The following CARNMT1 variants were observed in gnomAD, a reference collection of about 807,000 sequenced individuals.
CARNMT1 encodes the protein protein-L-histidine N-pros-methyltransferase CARNMT1.
Under a neutral mutation model 49.6 loss-of-function variants are expected in CARNMT1, and 28 were observed. The observed-to-expected ratio is 0.56, with a 90% CI of 0.42 to 0.77. The LOEUF (loss-of-function observed/expected upper bound fraction) is 0.77, where lower values mean the gene tolerates loss of function less well. CARNMT1 is among the 30% of genes least tolerant of loss of function. The pLI, the probability that CARNMT1 is intolerant of heterozygous loss-of-function variation, is 0.00. For missense variants in CARNMT1, 421 were observed against 512.6 expected (o/e 0.82, Z 1.73); for synonymous variants, 178 against 175.0 (o/e 1.02, Z -0.13).
chr9:74,983,878 A>G lies in CARNMT1; in HGVS notation c.1129-10T>C. ...CAGATTCTTTTTCCACCTGCAATGC[A>G]AACAATAATCATAATACTATGACAG... is the stretch of plus-strand genomic sequence containing the variant. On this transcript the variant is annotated splice_polypyrimidine_tract_variant and intron_variant, in intron 7 of 7. Transcript: ENST00000376834. 6.3e-7 allele frequency: 1 copy of G among 1,576,630 alleles called. No individual in the cohort carries two copies. The highest frequency in any genetic ancestry group is 8.6e-7 in the Non-Finnish European group (1 of 1,156,486).
Position 74,982,265 on chromosome 9 carries a change from T to C in CARNMT1, c.*1502A>G, listed in dbSNP as rs1474562591. ...CATGACATTTATGCGACCAGCACATTACTGAGATTAAATCCATCTAATTTA... is the reference window on the plus strand; with the variant it reads ...CATGACATTTATGCGACCAGCACATCACTGAGATTAAATCCATCTAATTTA... On this transcript the variant is annotated 3_prime_UTR_variant, in exon 8 of 8. Coordinates refer to ENST00000376834, the MANE Select transcript of CARNMT1 (RefSeq NM_152420.3). The C allele has an allele frequency of 2.0e-5, 3 of 152,200 alleles. No homozygotes were observed. In the East Asian group the frequency reaches 5.8e-4, roughly 29 times the overall value. 9.4% of individuals were successfully genotyped at this position (152,200 alleles called of 1,614,324 possible).
At chr9:74,985,241 C>T (rs1358284670) in intron 6 of CARNMT1, among the ~76,000 whole-genome samples, 1 of 152,234 alleles carries the variant, frequency 6.6e-6, no homozygotes, top group Non-Finnish European at 1.5e-5. Context: ...CTGTGATTCA[C>T]ACCATGGGCC....
Position 74,981,784 on chromosome 9 carries a change from T to A in CARNMT1, c.*1983A>T, listed in dbSNP as rs1832698771. The A allele has an allele frequency of 6.6e-6, 1 of 152,112 alleles. No individual in the cohort carries two copies. Among genetic ancestry groups the A allele is most frequent in the Non-Finnish European group, 1.5e-5 (1 of 67,990 alleles). The allele number at this position is 152,112 out of a possible 1,614,324, so 9.4% of individuals were successfully genotyped here. On this transcript the variant is annotated 3_prime_UTR_variant, in exon 8 of 8. Transcript: ENST00000376834. ...TTGATACAAGTTGTAAAAAAGTGAATACTAGTCAGTGAATAAAAAGCATGT... is the reference window on the plus strand; with the variant it reads ...TTGATACAAGTTGTAAAAAAGTGAAAACTAGTCAGTGAATAAAAAGCATGT...
intron 3 of CARNMT1, among the ~76,000 whole-genome samples, chr9:75,007,070 T>TA (rs1224809653): frequency 6.6e-6 from 1 of 152,234 alleles, no homozygotes; most frequent in Non-Finnish European, 1.5e-5. Flanking sequence ...ACATTTCTAT[T>TA]AAAAGCCTTA....
intron 3 of CARNMT1, among the ~76,000 whole-genome samples, chr9:75,012,741 G>A (rs1034716416): frequency 7.3e-5 from 11 of 151,226 alleles, no homozygotes; most frequent in African/African-American, 1.9e-4. Flanking sequence ...TATCTACCCC[G>A]TCTCTACTAA....
intron 6 of CARNMT1, among the ~76,000 whole-genome samples, chr9:74,986,350 T>C (rs1176827): frequency 0.045 from 6,780 of 152,244 alleles, 218 homozygotes; most frequent in South Asian, 0.07. Flanking sequence ...CTAGAAAAAA[T>C]GACCATGAAT....
intron 3 of CARNMT1, among the ~76,000 whole-genome samples, chr9:75,012,748 C>T (rs1250137036): frequency 6.6e-6 from 1 of 150,602 alleles, no homozygotes; most frequent in Non-Finnish European, 1.5e-5. Flanking sequence ...CCCGTCTCTA[C>T]TAAAAATATA....
chr9:74,990,624 G>A (rs960665441), intron 6 of CARNMT1, among the ~76,000 whole-genome samples: 9 of 152,090 alleles, frequency 5.9e-5, no homozygotes, highest in Admixed American at 4.6e-4. Flanking sequence ...ATACCACTTC[G>A]GTGGTAGGAA....
intron 6 of CARNMT1, among the ~76,000 whole-genome samples, chr9:74,987,970 G>A (rs1832894271): frequency 6.6e-6 from 1 of 152,128 alleles, no homozygotes; most frequent in Non-Finnish European, 1.5e-5. Context: ...CCTAGCTAAT[G>A]TCTGGCACTG....
At chr9:75,012,693 C>T (rs899332185) in intron 3 of CARNMT1, among the ~76,000 whole-genome samples, 5 of 151,994 alleles carry the variant, frequency 3.3e-5, no homozygotes, top group African/African-American at 1.2e-4. Context: ...GTTTGCACGG[C>T]AAAGTTCAAG....
chr9:75,013,177 G>A (rs564609213), intron 3 of CARNMT1, among the ~76,000 whole-genome samples: 92 of 152,212 alleles, frequency 6.0e-4, no homozygotes, highest in African/African-American at 2.2e-3. Context: ...CATGCACGGA[G>A]ACCTGAAAAA....
intron 3 of CARNMT1, chr9:75,015,737 G>GT (rs1833826423): frequency 2.7e-5 from 4 of 150,228 alleles, no homozygotes; most frequent in African/African-American, 9.8e-5. Flanking sequence ...AGTGAACCAA[G>GT]ACCACACCAC....
At chr9:75,011,292 C>G (rs1833683585) in intron 3 of CARNMT1, among the ~76,000 whole-genome samples, 1 of 152,164 alleles carries the variant, frequency 6.6e-6, no homozygotes, top group South Asian at 2.1e-4. Context: ...CTCCCACGCT[C>G]CCTACCTCCT....
At chr9:74,985,697 A>G (rs1832814870) in intron 6 of CARNMT1, among the ~76,000 whole-genome samples, 2 of 152,074 alleles carry the variant, frequency 1.3e-5, no homozygotes, top group Non-Finnish European at 2.9e-5. Context: ...TTCCTGCCTC[A>G]GCCTCCTGAA....
chr9:74,989,315 G>A (rs1455594141), intron 6 of CARNMT1, among the ~76,000 whole-genome samples: 1 of 151,968 alleles, frequency 6.6e-6, no homozygotes, highest in Non-Finnish European at 1.5e-5. Flanking sequence ...GGGTCTTGCT[G>A]TGTTGCCCAG....
At chr9:75,023,604 C>T (rs1157640721) in intron 1 of CARNMT1, among the ~76,000 whole-genome samples, 1 of 152,208 alleles carries the variant, frequency 6.6e-6, no homozygotes, top group African/African-American at 2.4e-5. Context: ...TGGGATCTTA[C>T]TAAAGTTGAG....
At chr9:75,021,198 T>C (rs781669445) in intron 1 of CARNMT1, among the ~76,000 whole-genome samples, 1 of 148,900 alleles carries the variant, frequency 6.7e-6, no homozygotes, top group Non-Finnish European at 1.5e-5. Flanking sequence ...AAAATATATA[T>C]ACTATATATA....
At chr9:75,016,561 G>A (rs1011291991) in intron 2 of CARNMT1, 130 bp from the exon 3 acceptor site, 3 of 765,574 alleles carry the variant, frequency 3.9e-6, no homozygotes, top group Admixed American at 2.7e-5. Context: ...ACCTCAACTG[G>A]GGTTCAAGTG....
At chr9:75,012,482 T>G (rs1587290857) in intron 3 of CARNMT1, among the ~76,000 whole-genome samples, 1 of 152,144 alleles carries the variant, frequency 6.6e-6, no homozygotes, top group Middle Eastern at 3.4e-3. Flanking sequence ...AGACGGGGTT[T>G]CGCCATGTTA....
Sources: gnomAD v4.1 joint callset for allele counts (sites outside exome capture counted in the v4.1 genomes callset) on GRCh38, gnomAD v4.1.1 for gene constraint, MANE v1.5 for transcripts, NCBI Gene and HGNC (gene_info 2026-07-23, HGNC 2026-07-21) for gene names.